CCDC60: variants seen among roughly 807,000 people sequenced by gnomAD.
CCDC60 encodes coiled-coil domain-containing protein 60.
Under a neutral mutation model 63.5 loss-of-function variants are expected in CCDC60, and 54 were observed. That is an observed-to-expected ratio of 0.85 (90% CI 0.68 to 1.07). The LOEUF (loss-of-function observed/expected upper bound fraction) is 1.07, where lower values mean the gene tolerates loss of function less well. Ranked by LOEUF, CCDC60 falls within the 50% of genes least tolerant of loss-of-function variation. The pLI, the probability that CCDC60 is intolerant of heterozygous loss-of-function variation, is 0.00. For missense variants in CCDC60, 651 were observed against 684.3 expected, an observed-to-expected ratio of 0.95 and a Z score of 0.54; for synonymous variants, 206 against 238.8, an observed-to-expected ratio of 0.86 and a Z score of 1.27.
chr12:119,359,725 G>A (rs1281518813), intron 1 of CCDC60, among the ~76,000 whole-genome samples: 1 of 151,872 alleles, frequency 6.6e-6, no homozygotes, highest in Non-Finnish European at 1.5e-5. Flanking sequence ...ATTAGGGAGT[G>A]GTGATGACTC....
At chr12:119,505,400 T>C in intron 7 of CCDC60, 97 bp downstream of exon 7, 1 of 763,428 alleles carries the variant, frequency 1.3e-6, no homozygotes, top group Non-Finnish European at 2.2e-6. Context: ...CTCCACTCAT[T>C]TAAAGGTGAC....
At chr12:119,389,190 A>T (rs778374668) in intron 1 of CCDC60, among the ~76,000 whole-genome samples, 1 of 152,210 alleles carries the variant, frequency 6.6e-6, no homozygotes. Flanking sequence ...ATGATAACAC[A>T]TAAGTACCTC....
chr12:119,471,784 T>TCCTC lies in CCDC60; in HGVS notation c.171-201_171-198dup, dbSNP rs1446819444. ...TTTTTTTTAAATTTGTGTCTCCCTC[T>TCCTC]CCTCCCTCCCTCTCTCTCTCTCTCT... On this transcript the variant is annotated intron_variant, in intron 2 of 13. Transcript: ENST00000327554. Among the ~76,000 whole-genome samples, 7 of 151,620 alleles carry TCCTC rather than the reference T, an allele frequency of 4.6e-5. No individual in the cohort carries two copies. The East Asian group carries it at 1.4e-3, about 29-fold the overall frequency.
At chr12:119,372,541 T>C (rs1269995917) in intron 1 of CCDC60, among the ~76,000 whole-genome samples, 2 of 152,176 alleles carry the variant, frequency 1.3e-5, no homozygotes, top group Admixed American at 6.5e-5. Flanking sequence ...TCTCAGAGAT[T>C]TGATTGACAC....
chr12:119,383,452 T>A (rs1263747482), intron 1 of CCDC60, among the ~76,000 whole-genome samples: 1 of 152,152 alleles, frequency 6.6e-6, no homozygotes, highest in African/African-American at 2.4e-5. Flanking sequence ...CAGATTTCCT[T>A]ATCTGGAACT....
At chr12:119,356,868 T>A (rs1010618564) in intron 1 of CCDC60, among the ~76,000 whole-genome samples, 46 of 152,238 alleles carry the variant, frequency 3.0e-4, no homozygotes, top group African/African-American at 1.0e-3. Flanking sequence ...TCTAAATTAT[T>A]TTATTCTCAC....
At position 119,497,040 on chromosome 12, in the gene CCDC60, T is replaced by C. The variant is rs571844857; in HGVS notation, c.558-3038T>C. On this transcript the variant is annotated intron_variant, in intron 5 of 13. Transcript: ENST00000327554. Reference sequence around the variant, plus strand: ...TACTCTGTAGTTACTCAGGGACTCATGCTGATAGAAGCTTCCACCATCAAC... The same window carrying C: ...TACTCTGTAGTTACTCAGGGACTCACGCTGATAGAAGCTTCCACCATCAAC... Among the ~76,000 whole-genome samples the C allele has an allele frequency of 8.5e-5, 13 of 152,328 alleles. No individual in the cohort carries two copies. In the South Asian group the frequency reaches 2.7e-3, roughly 32 times the overall value.
intron 1 of CCDC60, among the ~76,000 whole-genome samples, chr12:119,339,084 G>T (rs1244435722): frequency 6.6e-6 from 1 of 152,104 alleles, no homozygotes; most frequent in African/African-American, 2.4e-5. Flanking sequence ...AAACCGTCTA[G>T]CTTGCCCTTA....
chr12:119,395,889 C>G (rs1316074885), intron 1 of CCDC60, among the ~76,000 whole-genome samples: 1 of 152,148 alleles, frequency 6.6e-6, no homozygotes, highest in Non-Finnish European at 1.5e-5. Context: ...CCTCATCACT[C>G]CAGTCTCCAC....
intron 2 of CCDC60, among the ~76,000 whole-genome samples, chr12:119,444,587 T>C (rs112106882): frequency 1.7e-4 from 26 of 152,302 alleles, no homozygotes; most frequent in African/African-American, 6.3e-4. Flanking sequence ...AGCTGAAGTT[T>C]GTTATCCCAC....
chr12:119,531,210 T>A, intron 13 of CCDC60, 147 bp downstream of exon 13: 1 of 684,386 alleles, frequency 1.5e-6, no homozygotes, highest in Non-Finnish European at 2.4e-6. Flanking sequence ...ATTGTCCCAT[T>A]ACCTGGTTGC....
chr12:119,460,425 T>C (rs890924431), intron 2 of CCDC60, among the ~76,000 whole-genome samples: 1 of 152,236 alleles, frequency 6.6e-6, no homozygotes, highest in African/African-American at 2.4e-5. Flanking sequence ...TTAATTGACA[T>C]GTGTTTTTGT....
In CCDC60 at chr12:119,409,837, C is replaced by CTCTCTCTGTGTGTCTCCTTCTCACTCTT. The variant is rs1491454508; in HGVS notation, c.91-18838_91-18811dup. 4.0e-3 allele frequency among the ~76,000 whole-genome samples: 607 copies of CTCTCTCTGTGTGTCTCCTTCTCACTCTT among 152,034 alleles called. 2 individuals carry two copies. The highest frequency in any genetic ancestry group is 0.013 in the African/African-American group (546 of 41,434). The stretch of plus-strand genomic sequence containing the variant: ...CCCCTCTCTGTCTCTGTCTGTCTGC[C>CTCTCTCTGTGTGTCTCCTTCTCACTCTT]TCTCTCTGTGTGTCTCCTTCTCACT... On this transcript the variant is annotated intron_variant, in intron 1 of 13. Transcript: ENST00000327554.
chr12:119,475,411 G>A (rs1278967426), intron 3 of CCDC60, among the ~76,000 whole-genome samples: 1 of 152,208 alleles, frequency 6.6e-6, no homozygotes, highest in African/African-American at 2.4e-5. Context: ...CAGTGTGTGA[G>A]AAATGATTTA....
intron 1 of CCDC60, among the ~76,000 whole-genome samples, chr12:119,397,386 C>G (rs958093126): frequency 6.6e-6 from 1 of 152,112 alleles, no homozygotes; most frequent in African/African-American, 2.4e-5. Flanking sequence ...TTACAGAGAG[C>G]TGATTGGTCC....
chr12:119,536,877 C>A (rs1248252458), intron 13 of CCDC60, among the ~76,000 whole-genome samples: 1 of 152,092 alleles, frequency 6.6e-6, no homozygotes. Context: ...GTAAATCTGA[C>A]AATTATGTGT....
intron 2 of CCDC60, among the ~76,000 whole-genome samples, chr12:119,466,885 C>T (rs1245103062): frequency 1.4e-4 from 21 of 151,756 alleles, no homozygotes; most frequent in Non-Finnish European, 1.5e-5. Context: ...AAAGTGAGAA[C>T]TAGCTAAAAC....
At chr12:119,416,333 C>G (rs1169714272) in intron 1 of CCDC60, among the ~76,000 whole-genome samples, 1 of 150,628 alleles carries the variant, frequency 6.6e-6, no homozygotes, top group African/African-American at 2.4e-5. Context: ...GAGCCGAGAT[C>G]ACACCATTGC....
At chr12:119,418,406 T>TGGAGA (rs1956747977) in intron 1 of CCDC60, among the ~76,000 whole-genome samples, 1 of 24,648 alleles carries the variant, frequency 4.1e-5, no homozygotes, top group Non-Finnish European at 7.1e-5. Flanking sequence ...TTTTTTTTTT[T>TGGAGA]TTTTTTTTTT....
Sources: allele counts gnomAD v4.1 joint callset (sites outside exome capture counted in the v4.1 genomes callset), GRCh38; gene constraint gnomAD v4.1.1; transcripts MANE v1.5; gene names NCBI Gene and HGNC (gene_info 2026-07-23, HGNC 2026-07-21).